The following LAMC1 variants were observed in gnomAD, a reference collection of about 807,000 sequenced individuals.
LAMC1 encodes the protein laminin subunit gamma 1.
LAMC1 carries 38 observed loss-of-function variants against 173.6 expected under a neutral mutation model. The ratio of observed to expected loss-of-function variants is 0.22; its 90% CI spans 0.17 to 0.29. The LOEUF (loss-of-function observed/expected upper bound fraction) is 0.29. Among genes scored for constraint, LAMC1 ranks in the 10% least tolerant of loss-of-function variants. LAMC1 has a pLI of 1.00. For synonymous variants in LAMC1, 746 were observed against 749.1 expected, an observed-to-expected ratio of 1.00 and a Z score of 0.07; for missense variants, 1,824 against 2,051.8, an observed-to-expected ratio of 0.89 and a Z score of 2.14.
At chr1:183,060,158 A>G (rs368213022) in intron 1 of LAMC1, among the ~76,000 whole-genome samples, 3 of 152,140 alleles carry the variant, frequency 2.0e-5, no homozygotes, top group East Asian at 3.9e-4. Context: ...GCCCCTCATC[A>G]TGTAGCTAGA....
intron 17 of LAMC1, 40 bp from the exon 18 acceptor site, chr1:183,128,554 T>C: frequency 6.4e-7 from 1 of 1,568,750 alleles, no homozygotes; most frequent in Non-Finnish European, 8.7e-7. Context: ...GGAATACTTG[T>C]GTGTCCTACC....
Position 183,140,401 on chromosome 1 carries a change from C to T in LAMC1, c.4474-3C>T. The T allele has an allele frequency of 1.2e-6, 2 of 1,604,300 alleles. No homozygotes were observed. Among genetic ancestry groups the T allele is most frequent in the East Asian group, 2.2e-5 (1 of 44,656 alleles). ...GACTCTTTGCCTCATTTTTCCCTTA[C>T]AGGCTTCACAGGCTGCTCAAGAAGC... On this transcript the variant is annotated splice_region_variant and splice_polypyrimidine_tract_variant and intron_variant, in intron 26 of 27. Coordinates refer to ENST00000258341, the MANE Select transcript of LAMC1 (RefSeq NM_002293.4).
chr1:183,131,335 A>G lies in LAMC1; in HGVS notation c.3523A>G (p.Asn1175Asp), dbSNP rs2102103773. The change falls in exon 20 of 28, where the codon AAC becomes GAC. Residue 1175 changes from asparagine to aspartate, a missense_variant. By Grantham distance (23) the Asn-to-Asp change is conservative (BLOSUM62 1). Transcript: ENST00000258341. ...TQPESTGDPNNMTLLAEEARK... is the reference protein window; with the variant it reads ...TQPESTGDPNDMTLLAEEARK... ...GCCAGAATCTACAGGGGACCCAAAC[A>G]ACATGACTCTTTTGGCAGAAGAGGC... is the stretch of plus-strand genomic sequence containing the variant. The G allele has an allele frequency of 1.2e-6, 2 of 1,614,038 alleles. No homozygotes were observed. The highest frequency in any genetic ancestry group is 4.5e-5 in the East Asian group (2 of 44,878).
rs34995260 is a variant in LAMC1 at position 183,133,497 on chromosome 1, G to A, written c.3796G>A (p.Glu1266Lys). ...EAKRAGDKAV[E>K]IYASVAQLSP... ...CAAAAGGGCCGGTGACAAAGCTGTG[G>A]AGATCTATGCCAGCGTGGCTCAGCT... The change falls in exon 22 of 28, where the codon GAG (glutamate) becomes AAG (lysine). Residue 1266 changes from glutamate to lysine, a missense_variant. Coordinates refer to ENST00000258341, the MANE Select transcript of LAMC1 (RefSeq NM_002293.4). 4.2e-3 allele frequency: 6,781 copies of A among 1,613,676 alleles called. 36 individuals are homozygous for A. The highest frequency in any genetic ancestry group is 4.9e-3 in the Non-Finnish European group (5,733 of 1,179,776).
Position 183,055,411 on chromosome 1 carries a change from C to G in LAMC1, c.418+31277C>G, listed in dbSNP as rs574382012. ...ACCTGCTTAGGGTGACTAATTTAGC[C>G]TCTTGAAGCCTCAGTTTTCTCATTT... On this transcript the variant is annotated intron_variant, in intron 1 of 27. Coordinates refer to ENST00000258341, the MANE Select transcript of LAMC1 (RefSeq NM_002293.4). Among the ~76,000 whole-genome samples the G allele has an allele frequency of 1.2e-4, 18 of 152,062 alleles. No homozygotes were observed. In the South Asian group the frequency reaches 3.5e-3, roughly 30 times the overall value.
chr1:183,121,719 A>G lies in LAMC1; in HGVS notation c.1991-4A>G. On this transcript the variant is annotated splice_region_variant and splice_polypyrimidine_tract_variant and intron_variant, in intron 11 of 27. Coordinates refer to ENST00000258341, the MANE Select transcript of LAMC1 (RefSeq NM_002293.4). ...AGTGATTTTCTTTTCCTCACTATAC[A>G]CAGGTGCTGGATATTTGGATGATGT... 2 of 1,612,688 alleles carry G rather than the reference A, an allele frequency of 1.2e-6. No homozygotes were observed. Among genetic ancestry groups the G allele is most frequent in the Non-Finnish European group, 1.7e-6 (2 of 1,179,372 alleles).
chr1:183,067,751 A>G (rs1045560484), intron 1 of LAMC1, among the ~76,000 whole-genome samples: 1 of 152,052 alleles, frequency 6.6e-6, no homozygotes, highest in African/African-American at 2.4e-5. Flanking sequence ...TGGCCTCCCA[A>G]AGTACTGGGA....
chr1:183,145,419 T>C lies in LAMC1; in HGVS notation c.*2629T>C, dbSNP rs892845576. The stretch of plus-strand genomic sequence containing the variant: ...ACTGCTATTTTTCCCTGAATTTTTT[T>C]CCTTTGAATTCCAACTGTGGACCTT... On this transcript the variant is annotated 3_prime_UTR_variant, in exon 28 of 28. Coordinates refer to ENST00000258341, the MANE Select transcript of LAMC1 (RefSeq NM_002293.4). 6.6e-6 allele frequency: 1 copy of C among 152,608 alleles called. No homozygotes were observed. The highest frequency in any genetic ancestry group is 1.5e-5 in the Non-Finnish European group (1 of 68,034). The allele number at this position is 152,608 out of a possible 1,614,324, so 9.5% of individuals were successfully genotyped here.
rs149263247 is a variant in LAMC1, at chr1:183,042,878, A to C, written c.418+18744A>C. On this transcript the variant is annotated intron_variant, in intron 1 of 27. Transcript: ENST00000258341. The stretch of plus-strand genomic sequence containing the variant: ...ACTTACACTGATGGGCTCTATGTCT[A>C]TCTGCCTCGGAGGAGCACATCCCAC... Among the ~76,000 whole-genome samples, 32 of 152,218 alleles carry C rather than the reference A, an allele frequency of 2.1e-4. 1 individual carries two copies. In the East Asian group the frequency reaches 6.2e-3, roughly 29 times the overall value.
At position 183,023,768 on chromosome 1, in the gene LAMC1, T is replaced by C; in HGVS notation, c.52T>C (p.Trp18Arg). The part of the protein sequence containing the change: ...APALRPRGRL[W>R]PVLAVLAAAA... ...GGCCCTGCGGCCCCGGGGGCGGCTC[T>C]GGCCCGTGCTGGCCGTGCTGGCGGC... Residue 18 changes from tryptophan (W) to arginine (R), a missense_variant, in exon 1 of 28, where the codon TGG (tryptophan) becomes CGG (arginine). By Grantham distance (101) the Trp-to-Arg change is moderately radical (BLOSUM62 -3). Coordinates refer to ENST00000258341, the MANE Select transcript of LAMC1 (RefSeq NM_002293.4). 7.1e-7 allele frequency: 1 copy of C among 1,404,750 alleles called. No homozygotes were observed. The highest frequency in any genetic ancestry group is 9.3e-7 in the Non-Finnish European group (1 of 1,078,740). The allele number at this position is 1,404,750 out of a possible 1,614,324, so 87.0% of individuals were successfully genotyped here.
At chr1:183,140,245 CAA>C (rs56152259) in intron 26 of LAMC1, among the ~76,000 whole-genome samples, 157 bp from the exon 27 acceptor site, 22 of 52,908 alleles carry the variant, frequency 4.2e-4, no homozygotes, top group Admixed American at 1.2e-3. Flanking sequence ...GCAGCCCCAC[CAA>C]AAAAAAAAAA....
intron 1 of LAMC1, among the ~76,000 whole-genome samples, chr1:183,059,457 G>T (rs1170013296): frequency 6.6e-6 from 1 of 152,162 alleles, no homozygotes; most frequent in African/African-American, 2.4e-5. Context: ...GGAGGTGGAG[G>T]TTGCAGTAAG....
At chr1:183,124,495 C>G (rs1412290474) in intron 13 of LAMC1, 136 bp from the exon 14 acceptor site, 2 of 1,049,742 alleles carry the variant, frequency 1.9e-6, no homozygotes, top group Non-Finnish European at 2.8e-6. Flanking sequence ...GGGCTGCAGC[C>G]CAGGTCCTCT....
chr1:183,110,523 A>G lies in LAMC1; in HGVS notation c.890A>G (p.Lys297Arg), dbSNP rs755149651. ...KCNGHASECM[K>R]NEFDKLVCNC... ...AATGGACACGCAAGCGAGTGTATGA[A>G]GAACGAATTTGATAAGCTGGTGTGT... Residue 297 changes from lysine to arginine, a missense_variant, in exon 4 of 28, where the codon AAG (lysine) becomes AGG (arginine). Physicochemically the swap from Lys to Arg is conservative, Grantham distance 26. Coordinates refer to ENST00000258341, the MANE Select transcript of LAMC1 (RefSeq NM_002293.4). 6.2e-7 allele frequency: 1 copy of G among 1,613,824 alleles called. No individual in the cohort carries two copies. Among genetic ancestry groups the G allele is most frequent in the South Asian group, 1.1e-5 (1 of 90,986 alleles).
chr1:183,076,211 A>G (rs931829605), intron 1 of LAMC1, among the ~76,000 whole-genome samples: 2 of 152,238 alleles, frequency 1.3e-5, no homozygotes, highest in Non-Finnish European at 2.9e-5. Context: ...AAGGATGGAT[A>G]TGAAGAATCC....
At chr1:183,054,831 A>T (rs1359322003) in intron 1 of LAMC1, among the ~76,000 whole-genome samples, 1 of 152,116 alleles carries the variant, frequency 6.6e-6, no homozygotes, top group African/African-American at 2.4e-5. Context: ...TTAGAGCCTT[A>T]GGGGCTTTTC....
At chr1:183,141,059 C>T (rs1198511905) in intron 27 of LAMC1, 1 of 152,110 alleles carries the variant, frequency 6.6e-6, no homozygotes, top group Non-Finnish European at 1.5e-5. Flanking sequence ...ACTGGTAATC[C>T]CAGTACTTTA....
At chr1:183,130,946 G>A (rs1416586240) in intron 19 of LAMC1, among the ~76,000 whole-genome samples, 3 of 152,112 alleles carry the variant, frequency 2.0e-5, no homozygotes, top group African/African-American at 7.2e-5. Context: ...AGGCCGAGGC[G>A]GGTGGATCAC....
intron 22 of LAMC1, 34 bp from the exon 23 acceptor site, chr1:183,134,626 T>C (rs1656887068): frequency 1.3e-6 from 2 of 1,569,900 alleles, no homozygotes; most frequent in East Asian, 2.2e-5. Flanking sequence ...AAATGTTTTA[T>C]CCAAAGTGTA....
Sources: allele counts gnomAD v4.1 joint callset (sites outside exome capture counted in the v4.1 genomes callset), GRCh38; gene constraint gnomAD v4.1.1; transcripts MANE v1.5; gene names NCBI Gene and HGNC (gene_info 2026-07-23, HGNC 2026-07-21).